The following FMNL2 variants were observed in gnomAD, a reference collection of about 807,000 sequenced individuals.
FMNL2 encodes the protein formin like 2.
Under a neutral mutation model 130.2 loss-of-function variants are expected in FMNL2, and 51 were observed. The observed-to-expected ratio is 0.39, with a 90% CI of 0.31 to 0.49. FMNL2 has a LOEUF of 0.49. Ranked by LOEUF, FMNL2 falls within the 20% of genes least tolerant of loss-of-function variation. FMNL2 has a pLI of 0.85. For missense variants in FMNL2, 977 were observed against 1,316.2 expected, an observed-to-expected ratio of 0.74 and a Z score of 3.99; for synonymous variants, 465 against 467.1, an observed-to-expected ratio of 1.00 and a Z score of 0.06.
At chr2:152,643,803 G>A (rs1225905859) in intron 25 of FMNL2, 1 of 985,288 alleles carries the variant, frequency 1.0e-6, no homozygotes, top group African/African-American at 1.7e-5. Context: ...GAAAAATAGA[G>A]CAAAAATATT....
At chr2:152,424,635 C>T (rs2106059046) in intron 1 of FMNL2, among the ~76,000 whole-genome samples, 1 of 152,134 alleles carries the variant, frequency 6.6e-6, no homozygotes, top group East Asian at 1.9e-4. Flanking sequence ...GTGATTCGCC[C>T]ATCTCGGCCT....
chr2:152,366,387 A>G (rs562615210), intron 1 of FMNL2, among the ~76,000 whole-genome samples: 4 of 152,170 alleles, frequency 2.6e-5, no homozygotes, highest in Admixed American at 2.6e-4. Context: ...ATGTATACAT[A>G]TGTAACAAAC....
chr2:152,633,806 C>T (rs1474071767), intron 21 of FMNL2, among the ~76,000 whole-genome samples: 1 of 152,186 alleles, frequency 6.6e-6, no homozygotes, highest in Non-Finnish European at 1.5e-5. Context: ...TTTGTTTGGT[C>T]CAAATGGTGT....
intron 9 of FMNL2, among the ~76,000 whole-genome samples, chr2:152,601,300 T>C (rs1363451140): frequency 1.2e-5 from 1 of 82,288 alleles, no homozygotes; most frequent in Non-Finnish European, 2.7e-5. Flanking sequence ...TCTTTTCTTT[T>C]TTCTTTTTTT....
chr2:152,503,109 C>G (rs1011149851), intron 1 of FMNL2, among the ~76,000 whole-genome samples: 1 of 152,134 alleles, frequency 6.6e-6, no homozygotes. Flanking sequence ...GACACTCGTT[C>G]AAGATGGTAA....
At chr2:152,557,320 A>G (rs1695275107) in intron 4 of FMNL2, among the ~76,000 whole-genome samples, 1 of 152,102 alleles carries the variant, frequency 6.6e-6, no homozygotes, top group African/African-American at 2.4e-5. Flanking sequence ...ACCAGGTGGT[A>G]TTTTCTTTGC....
chr2:152,636,408 T>C lies in FMNL2; in HGVS notation c.2681-19T>C. 6.2e-7 allele frequency: 1 copy of C among 1,603,344 alleles called. No individual in the cohort carries two copies. Among genetic ancestry groups the C allele is most frequent in the Non-Finnish European group, 8.5e-7 (1 of 1,174,096 alleles). On this transcript the variant is annotated intron_variant, in intron 21 of 25. Coordinates refer to ENST00000288670, the MANE Select transcript of FMNL2 (RefSeq NM_052905.4). ...ACTTCCCCATTGAGTTTCACTGGGA[T>C]GTTCTTTCTCTGCTTTAGTCTCCCT... is the stretch of plus-strand genomic sequence containing the variant.
rs35382323 is a variant in FMNL2, at chr2:152,533,546, C to CT, written c.202-9172dup. 8.3e-3 allele frequency among the ~76,000 whole-genome samples: 952 copies of CT among 115,282 alleles called. 11 individuals are homozygous for CT. Among genetic ancestry groups the CT allele is most frequent in the East Asian group, 0.054 (210 of 3,924 alleles). 75.6% of individuals were successfully genotyped at this position (115,282 alleles called of 152,430 possible). ...AAATCAGGTAGTGTCAATTCTCCAACTTTTTTTTTTTTTTTTTTTTTGCTA... is the reference window on the plus strand; with the variant it reads ...AAATCAGGTAGTGTCAATTCTCCAACTTTTTTTTTTTTTTTTTTTTTTGCTA... On this transcript the variant is annotated intron_variant, in intron 2 of 25. Transcript: ENST00000288670.
chr2:152,369,441 A>G (rs757140121), intron 1 of FMNL2, among the ~76,000 whole-genome samples: 107 of 152,246 alleles, frequency 7.0e-4, no homozygotes, highest in Non-Finnish European at 1.2e-3. Context: ...GACCTTAAGT[A>G]TGGCTTTCAT....
At chr2:152,348,490 A>G (rs946254793) in intron 1 of FMNL2, among the ~76,000 whole-genome samples, 2 of 152,156 alleles carry the variant, frequency 1.3e-5, no homozygotes, top group African/African-American at 4.8e-5. Flanking sequence ...CTGGATACCT[A>G]TTTAACTGAC....
intron 11 of FMNL2, 60 bp downstream of exon 11, chr2:152,611,665 C>A: frequency 9.3e-7 from 1 of 1,079,252 alleles, no homozygotes; most frequent in Non-Finnish European, 1.4e-6. Context: ...TGCCTGCCCT[C>A]AAAGGTACGC....
chr2:152,416,281 T>G (rs1686608910), intron 1 of FMNL2, among the ~76,000 whole-genome samples: 1 of 152,138 alleles, frequency 6.6e-6, no homozygotes. Context: ...CAAAGATACC[T>G]CCAGAGACAG....
chr2:152,566,952 T>G (rs973083285), intron 6 of FMNL2, among the ~76,000 whole-genome samples: 5 of 152,148 alleles, frequency 3.3e-5, no homozygotes, highest in African/African-American at 1.2e-4. Flanking sequence ...ATGCTTCCTT[T>G]AGGAGACAGT....
intron 1 of FMNL2, among the ~76,000 whole-genome samples, chr2:152,371,906 C>T (rs4036068): frequency 0.48 from 72,518 of 151,818 alleles, 18,214 homozygotes; most frequent in East Asian, 0.95. Context: ...AAGTCCCCAC[C>T]AGCAAGAAAG....
intron 1 of FMNL2, among the ~76,000 whole-genome samples, chr2:152,386,197 G>T (rs999738514): frequency 6.6e-6 from 1 of 152,138 alleles, no homozygotes; most frequent in Admixed American, 6.5e-5. Flanking sequence ...CCTTCAAGGG[G>T]GCTATTGTAG....
chr2:152,512,767 A>G (rs1378746326), intron 1 of FMNL2, among the ~76,000 whole-genome samples: 1 of 152,202 alleles, frequency 6.6e-6, no homozygotes, highest in African/African-American at 2.4e-5. Context: ...AATTAACAAA[A>G]TGGGTTGTTT....
chr2:152,441,033 T>C (rs76157573), intron 1 of FMNL2, among the ~76,000 whole-genome samples: 10,050 of 152,272 alleles, frequency 0.066, 587 homozygotes, highest in Admixed American at 0.21. Flanking sequence ...GAAGGGTGAT[T>C]TCTATAGTCT....
intron 5 of FMNL2, 59 bp downstream of exon 5, chr2:152,558,882 CAGT>C: frequency 1.4e-6 from 2 of 1,451,110 alleles, no homozygotes; most frequent in Non-Finnish European, 1.9e-6. Flanking sequence ...AGATGCTACT[CAGT>C]GGTAAAATTA....
chr2:152,363,792 C>A (rs1309193646), intron 1 of FMNL2, among the ~76,000 whole-genome samples: 1 of 152,254 alleles, frequency 6.6e-6, no homozygotes, highest in African/African-American at 2.4e-5. Flanking sequence ...GAACTCCTGA[C>A]CTCAGGTGAT....
Sources: allele counts gnomAD v4.1 joint callset (sites outside exome capture counted in the v4.1 genomes callset), GRCh38; gene constraint gnomAD v4.1.1; transcripts MANE v1.5; gene names NCBI Gene and HGNC (gene_info 2026-07-23, HGNC 2026-07-21).